OR3A2: variants seen among roughly 807,000 people sequenced by gnomAD.
The protein encoded by OR3A2 is olfactory receptor family 3 subfamily A member 2.
For synonymous variants in OR3A2, 126 were observed against 159.3 expected (o/e 0.79, Z 1.57); for missense variants, 318 against 392.8 (o/e 0.81, Z 1.61).
intron 2 of OR3A2, among the ~76,000 whole-genome samples, chr17:3,350,663 A>T (rs1245496636): frequency 6.6e-6 from 1 of 150,404 alleles, no homozygotes; most frequent in Non-Finnish European, 1.5e-5. Flanking sequence ...AAAAGAGGGA[A>T]TCCTCCCTAA....
chr17:3,320,881 T>G (rs2049116007), intron 3 of OR3A2, among the ~76,000 whole-genome samples: 1 of 151,998 alleles, frequency 6.6e-6, no homozygotes, highest in Non-Finnish European at 1.5e-5. Flanking sequence ...TGGTTCCATA[T>G]GAACTTTAAA....
intron 2 of OR3A2, among the ~76,000 whole-genome samples, chr17:3,359,674 T>C (rs2049492873): frequency 6.6e-6 from 1 of 151,666 alleles, no homozygotes. Flanking sequence ...CCTTTGTAGG[T>C]AACCTTCCCT....
intron 1 of OR3A2, among the ~76,000 whole-genome samples, chr17:3,280,518 C>T (rs1480058147): frequency 2.6e-5 from 4 of 152,142 alleles, no homozygotes; most frequent in South Asian, 4.1e-4. Flanking sequence ...GTGATCCGCC[C>T]GCCTCGGCCT....
At chr17:3,303,650 C>A (rs1167865761) in intron 3 of OR3A2, among the ~76,000 whole-genome samples, 2 of 151,316 alleles carry the variant, frequency 1.3e-5, no homozygotes, top group Admixed American at 6.6e-5. Flanking sequence ...GAGGCTGAGG[C>A]AGGAGGATCG....
intron 3 of OR3A2, chr17:3,291,787 C>G (rs2048870616): frequency 1.2e-6 from 2 of 1,613,644 alleles, no homozygotes; most frequent in East Asian, 4.5e-5. Flanking sequence ...TTGGTTGAAC[C>G]CAGTCGCATA....
intron 1 of OR3A2, among the ~76,000 whole-genome samples, chr17:3,385,241 A>G (rs8078794): frequency 0.014 from 2,097 of 152,354 alleles, 36 homozygotes; most frequent in African/African-American, 0.046. Flanking sequence ...CTGAAGAACC[A>G]TATAATGTGT....
chr17:3,350,265 AC>A (rs2049408431), intron 2 of OR3A2, among the ~76,000 whole-genome samples: 1 of 152,152 alleles, frequency 6.6e-6, no homozygotes, highest in Admixed American at 6.5e-5. Flanking sequence ...GAAAGGATCA[AC>A]AAAATTGATA....
chr17:3,319,952 C>CACTG (rs2049106176), intron 3 of OR3A2, among the ~76,000 whole-genome samples: 1 of 152,220 alleles, frequency 6.6e-6, no homozygotes, highest in African/African-American at 2.4e-5. Context: ...GGAATCGCCA[C>CACTG]ACTGACTTCC....
At chr17:3,300,739 T>C (rs6502712) in intron 3 of OR3A2, among the ~76,000 whole-genome samples, 100,697 of 151,114 alleles carry the variant, frequency 0.67, 34,705 homozygotes, top group East Asian at 0.98. Context: ...ATGTGCACAA[T>C]GTGCAGGTTT....
chr17:3,283,301 C>A (rs2048788489), intron 1 of OR3A2, among the ~76,000 whole-genome samples: 1 of 152,214 alleles, frequency 6.6e-6, no homozygotes, highest in African/African-American at 2.4e-5. Flanking sequence ...CCTCGGCTCA[C>A]TGCAACCTCT....
At chr17:3,339,307 T>A (rs1597348715) in intron 2 of OR3A2, among the ~76,000 whole-genome samples, 1 of 152,224 alleles carries the variant, frequency 6.6e-6, no homozygotes, top group Non-Finnish European at 1.5e-5. Flanking sequence ...AACACTATGT[T>A]CAATAGGAGT....
At chr17:3,296,757 AT>A (rs1323024445) in intron 3 of OR3A2, among the ~76,000 whole-genome samples, 1 of 152,216 alleles carries the variant, frequency 6.6e-6, no homozygotes, top group Admixed American at 6.5e-5. Flanking sequence ...AAACAAGCTA[AT>A]TACTATGGGA....
chr17:3,381,015 G>A (rs1312716464), intron 2 of OR3A2, among the ~76,000 whole-genome samples: 3 of 152,164 alleles, frequency 2.0e-5, no homozygotes, highest in African/African-American at 7.2e-5. Flanking sequence ...GTTGGGTGTT[G>A]CATGTGTATG....
rs370623781 is a variant in OR3A2, at chr17:3,319,711, T to C, written c.-85+16322A>G. Among the ~76,000 whole-genome samples, 303 of 152,324 alleles carry C rather than the reference T, an allele frequency of 2.0e-3. 12 individuals are homozygous for C. In the South Asian group the frequency reaches 0.053, roughly 27 times the overall value. On this transcript the variant is annotated intron_variant, in intron 3 of 4. Coordinates refer to the OR3A2 transcript ENST00000573491. ...CCCTACAAAGGACATGAACTCATCA[T>C]TTTTTATGGCTGCATAGTATTTCAT...
At chr17:3,322,345 G>A (rs1475556912) in intron 3 of OR3A2, among the ~76,000 whole-genome samples, 1 of 151,830 alleles carries the variant, frequency 6.6e-6, no homozygotes, top group Non-Finnish European at 1.5e-5. Flanking sequence ...TTAATTTTTT[G>A]AAGGGTTTTT....
chr17:3,280,552 G>A (rs536851686), intron 1 of OR3A2, among the ~76,000 whole-genome samples: 5 of 152,314 alleles, frequency 3.3e-5, no homozygotes, highest in South Asian at 2.1e-4. Context: ...GATTACAGGC[G>A]TGAGGCACTG....
chr17:3,331,759 G>GTTA, intron 3 of OR3A2, among the ~76,000 whole-genome samples: 1 of 152,158 alleles, frequency 6.6e-6, no homozygotes, highest in Admixed American at 6.5e-5. Flanking sequence ...TGCTGGTGAG[G>GTTA]AACTGCATTC....
intron 3 of OR3A2, among the ~76,000 whole-genome samples, chr17:3,309,485 T>C (rs7224497): frequency 0.19 from 28,703 of 152,072 alleles, 4,258 homozygotes; most frequent in African/African-American, 0.41. Flanking sequence ...TGAAACAGCG[T>C]TACTTGGTAT....
chr17:3,278,306 A>G (rs1427437565), exon 2 of OR3A2: 5 of 1,614,152 alleles, frequency 3.1e-6, no homozygotes, highest in Non-Finnish European at 4.2e-6. Context: ...TGAAACCCAC[A>G]GCAAAGAGCA....
Sources: gnomAD v4.1 joint callset for allele counts (sites outside exome capture counted in the v4.1 genomes callset) on GRCh38, gnomAD v4.1.1 for gene constraint, MANE v1.5 for transcripts, NCBI Gene and HGNC (gene_info 2026-07-23, HGNC 2026-07-21) for gene names.